KCNJ12: variants seen among roughly 807,000 people sequenced by gnomAD.
KCNJ12 encodes the protein ATP-sensitive inward rectifier potassium channel 12.
Under a neutral mutation model 22.3 loss-of-function variants are expected in KCNJ12, and 2 were observed. The ratio of observed to expected loss-of-function variants is 0.09; its 90% CI spans 0.04 to 0.28. The LOEUF is 0.28. Ranked by LOEUF, KCNJ12 falls within the 10% of genes least tolerant of loss-of-function variation. The pLI, the probability that KCNJ12 is intolerant of heterozygous loss-of-function variation, is 1.00. For synonymous variants in KCNJ12, 117 were observed against 261.4 expected (o/e 0.45, Z 5.33); for missense variants, 155 against 633.3 (o/e 0.24, Z 8.11).
At chr17:21,404,756 C>G (rs35387285) in intron 1 of KCNJ12, among the ~76,000 whole-genome samples, 12 of 152,378 alleles carry the variant, frequency 7.9e-5, no homozygotes, top group South Asian at 4.1e-4. Context: ...GACACCCTCT[C>G]TCCCTCCTGC....
Position 21,415,676 on chromosome 17 carries a change from C to T in KCNJ12, c.334C>T (p.Leu112=), listed in dbSNP as rs782207289. ...GGTCATCGCGGTGGCACACGGTGAC[C>T]TGGAGCCGGCTGAGGGCCGGGGCCG... The part of the protein sequence containing the change: ...FWVIAVAHGD[L]EPAEGRGRTP... The change falls in exon 3 of 3, where the codon CTG becomes TTG. Residue 112 remains leucine (L), a synonymous_variant. Coordinates refer to ENST00000583088, the MANE Select transcript of KCNJ12 (RefSeq NM_021012.5). The T allele has an allele frequency of 6.2e-7, 1 of 1,613,232 alleles. No individual in the cohort carries two copies. The highest frequency in any genetic ancestry group is 2.2e-5 in the East Asian group (1 of 44,894).
chr17:21,415,645 C>T lies in KCNJ12; in HGVS notation c.303C>T (p.Ile101=), dbSNP rs1252165259. Residue 101 remains isoleucine, a synonymous_variant, in exon 3 of 3, where the codon ATC becomes ATT. Transcript: ENST00000583088. The part of the protein sequence containing the change: ...FLASWLLFGI[I]FWVIAVAHGD... ...CCTCCTGGCTGCTGTTCGGCATCAT[C>T]TTCTGGGTCATCGCGGTGGCACACG... The T allele has an allele frequency of 1.9e-6, 3 of 1,613,510 alleles. No homozygotes were observed. In the Admixed American group the frequency reaches 5.0e-5, roughly 27 times the overall value.
chr17:21,388,500 G>A (rs1260903605), intron 1 of KCNJ12, among the ~76,000 whole-genome samples: 2 of 152,166 alleles, frequency 1.3e-5, no homozygotes, highest in Admixed American at 6.5e-5. Context: ...GGGTGTCCTT[G>A]GCCCCCTCCT....
At chr17:21,380,910 A>G (rs1003924445) in intron 1 of KCNJ12, among the ~76,000 whole-genome samples, 1 of 152,078 alleles carries the variant, frequency 6.6e-6, no homozygotes, top group Non-Finnish European at 1.5e-5. Flanking sequence ...CCCTAACCCC[A>G]ATCACCACCA....
At position 21,418,885 on chromosome 17, in the gene KCNJ12, C is replaced by CT. The variant is rs1906992994; in HGVS notation, c.*2242dup. The CT allele has an allele frequency of 6.0e-6, 1 of 166,850 alleles. No homozygotes were observed. Among genetic ancestry groups the CT allele is most frequent in the Non-Finnish European group, 1.5e-5 (1 of 68,286 alleles). The allele number at this position is 166,850 out of a possible 1,614,324, so 10.3% of individuals were successfully genotyped here. On this transcript the variant is annotated 3_prime_UTR_variant, in exon 3 of 3. Coordinates refer to ENST00000583088, the MANE Select transcript of KCNJ12 (RefSeq NM_021012.5). ...CTTCCAGGGCCAGTGAGACAGCCTT[C>CT]TACTCCCCCGACCCAGAGCTGAGTC...
At chr17:21,378,541 G>A (rs978390142) in intron 1 of KCNJ12, among the ~76,000 whole-genome samples, 3 of 152,122 alleles carry the variant, frequency 2.0e-5, no homozygotes, top group African/African-American at 7.2e-5. Flanking sequence ...GAGTGAGGGC[G>A]GAGGGCACTC....
At chr17:21,411,710 C>T (rs1906359261) in intron 2 of KCNJ12, among the ~76,000 whole-genome samples, 1 of 152,216 alleles carries the variant, frequency 6.6e-6, no homozygotes, top group South Asian at 2.1e-4. Flanking sequence ...TCCAGCAAAA[C>T]AGTTTCTCTG....
intron 1 of KCNJ12, among the ~76,000 whole-genome samples, 166 bp downstream of exon 1, chr17:21,377,079 C>T (rs1465438019): frequency 6.6e-6 from 1 of 152,164 alleles, no homozygotes; most frequent in East Asian, 1.9e-4. Context: ...TTTTTCCCTC[C>T]CTTGGTGAGA....
intron 1 of KCNJ12, among the ~76,000 whole-genome samples, chr17:21,387,093 C>A (rs1340771534): frequency 6.8e-6 from 1 of 145,998 alleles, no homozygotes; most frequent in Non-Finnish European, 1.5e-5. Context: ...GGGGCGGAGC[C>A]TGCAGTGAGC....
Position 21,404,357 on chromosome 17 carries a change from C to G in KCNJ12, c.-178-4162C>G, listed in dbSNP as rs554510195. ...TGCCTCCCCACTGGCAGATACTCCT[C>G]TAGGAAGCACCCCTCCTGCCACTGG... On this transcript the variant is annotated intron_variant, in intron 1 of 2. Transcript: ENST00000583088. Among the ~76,000 whole-genome samples, 147 of 152,410 alleles carry G rather than the reference C, an allele frequency of 9.6e-4. No individual in the cohort carries two copies. The Middle Eastern group carries it at 0.01, about 11-fold the overall frequency.
chr17:21,412,669 C>T (rs1429775564), intron 2 of KCNJ12, among the ~76,000 whole-genome samples: 1 of 152,310 alleles, frequency 6.6e-6, no homozygotes, highest in Non-Finnish European at 1.5e-5. Flanking sequence ...CAGGCCCAGG[C>T]AGAAGCAGTG....
intron 1 of KCNJ12, among the ~76,000 whole-genome samples, chr17:21,391,711 C>G (rs1010805061): frequency 1.6e-4 from 25 of 152,356 alleles, no homozygotes; most frequent in Admixed American, 1.5e-3. Flanking sequence ...GGCCTTTCTT[C>G]CCCGGTCTGC....
intron 1 of KCNJ12, among the ~76,000 whole-genome samples, chr17:21,402,325 C>G (rs1905663263): frequency 6.6e-6 from 1 of 152,282 alleles, no homozygotes; most frequent in African/African-American, 2.4e-5. Flanking sequence ...TGGATTTACT[C>G]AAGTTCTTTT....
At chr17:21,398,902 A>T (rs2142060109) in intron 1 of KCNJ12, among the ~76,000 whole-genome samples, 1 of 152,366 alleles carries the variant, frequency 6.6e-6, no homozygotes, top group Admixed American at 6.5e-5. Context: ...CTGTGCATAG[A>T]CTAACATCTG....
At chr17:21,381,562 A>C (rs1324448959) in intron 1 of KCNJ12, among the ~76,000 whole-genome samples, 1 of 151,850 alleles carries the variant, frequency 6.6e-6, no homozygotes, top group African/African-American at 2.4e-5. Context: ...ACATGCTGCT[A>C]TCTCTGCCTG....
At chr17:21,413,633 C>A (rs2142077339) in intron 2 of KCNJ12, among the ~76,000 whole-genome samples, 1 of 152,350 alleles carries the variant, frequency 6.6e-6, no homozygotes, top group South Asian at 2.1e-4. Context: ...GGCTGTGGGC[C>A]AGGCGGTGCC....
At chr17:21,390,477 AG>A (rs1197140463) in intron 1 of KCNJ12, among the ~76,000 whole-genome samples, 1 of 152,204 alleles carries the variant, frequency 6.6e-6, no homozygotes, top group Admixed American at 6.5e-5. Flanking sequence ...GCGTGGAGTC[AG>A]GGCAGGAGCT....
intron 1 of KCNJ12, among the ~76,000 whole-genome samples, chr17:21,403,064 A>G (rs570776997): frequency 6.6e-6 from 1 of 152,430 alleles, no homozygotes; most frequent in East Asian, 1.9e-4. Flanking sequence ...ACATGCTAGG[A>G]GTACTCACGG....
In KCNJ12 at chr17:21,415,704, C is replaced by T; in HGVS notation, c.362C>T (p.Thr121Ile). ...DLEPAEGRGR[T>I]PCVMQVHGFM... ...GAGCCGGCTGAGGGCCGGGGCCGCA[C>T]ACCCTGTGTGATGCAGGTGCACGGC... is the stretch of plus-strand genomic sequence containing the variant. Residue 121 changes from threonine (T) to isoleucine (I), a missense_variant, in exon 3 of 3, where the codon ACA becomes ATA. Transcript: ENST00000583088. 1.2e-6 allele frequency: 2 copies of T among 1,613,156 alleles called. No individual in the cohort carries two copies. Among genetic ancestry groups the T allele is most frequent in the Non-Finnish European group, 1.7e-6 (2 of 1,179,970 alleles).
Sources: allele counts gnomAD v4.1 joint callset (sites outside exome capture counted in the v4.1 genomes callset), GRCh38; gene constraint gnomAD v4.1.1; transcripts MANE v1.5; gene names NCBI Gene and HGNC (gene_info 2026-07-23, HGNC 2026-07-21).